Variants in DNAH17 observed in about 807,000 individuals in gnomAD.
The protein encoded by DNAH17 is axonemal beta dynein heavy chain 17.
A neutral mutation model predicts 485.6 loss-of-function variants in DNAH17; 376 were observed. That is an observed-to-expected ratio of 0.77 (90% CI 0.71 to 0.84). The LOEUF is 0.84. Among genes scored for constraint, DNAH17 ranks in the 40% least tolerant of loss-of-function variants. The probability of loss-of-function intolerance (pLI) is 0.00; values close to 1 mark genes in which losing one functional copy is unlikely to be tolerated. For missense variants in DNAH17, 6,370 were observed against 5,839.3 expected, an observed-to-expected ratio of 1.09 and a Z score of -2.96; for synonymous variants, 3,031 against 2,405.9, an observed-to-expected ratio of 1.26 and a Z score of -7.60.
At chr17:78,552,631 G>A (rs770834487) in intron 15 of DNAH17, 66 bp downstream of exon 15, 15 of 1,161,588 alleles carry the variant, frequency 1.3e-5, no homozygotes, top group Non-Finnish European at 1.9e-5. Flanking sequence ...TGGTGTTTGA[G>A]GACAGATGCT....
At chr17:78,542,738 G>A (rs1050607609) in intron 17 of DNAH17, among the ~76,000 whole-genome samples, 1 of 152,178 alleles carries the variant, frequency 6.6e-6, no homozygotes, top group African/African-American at 2.4e-5. Flanking sequence ...AGGACCAGCT[G>A]GCATCCTAGG....
chr17:78,489,829 G>A (rs542035693), intron 44 of DNAH17, among the ~76,000 whole-genome samples: 1 of 150,020 alleles, frequency 6.7e-6, no homozygotes, highest in African/African-American at 2.4e-5. Flanking sequence ...GTGGGCGGGA[G>A]GGTGAATGGA....
intron 80 of DNAH17, 194 bp from the exon 81 acceptor site, chr17:78,424,347 C>G: frequency 1.6e-6 from 1 of 624,012 alleles, no homozygotes; most frequent in African/African-American, 1.8e-5. Context: ...CTACCCCGTC[C>G]CGCTGGGCTC....
At chr17:78,505,594 A>G in intron 30 of DNAH17, 149 bp from the exon 31 acceptor site, 4 of 1,046,696 alleles carry the variant, frequency 3.8e-6, no homozygotes, top group African/African-American at 1.6e-5. Flanking sequence ...TGACTAAGTC[A>G]ACAAAAGGAA....
In DNAH17 at chr17:78,475,395, C is replaced by T; in HGVS notation, c.8394G>A (p.Leu2798=). 1 of 1,613,972 alleles carries T rather than the reference C, an allele frequency of 6.2e-7. No homozygotes were observed. Among genetic ancestry groups the T allele is most frequent in the Non-Finnish European group, 8.5e-7 (1 of 1,179,892 alleles). Residue 2798 remains leucine (L), a synonymous_variant, in exon 54 of 81, where the codon CTG becomes CTA. Transcript: ENST00000389840. ...RILESPRGNA[L]LVGVGGSGKQ... is the part of the protein sequence containing the mutation. ...TGCCACTGCCGCCCACCCCCACCAG[C>T]AGGGCATTCCCCCGGGGAGACTCCA... is the stretch of plus-strand genomic sequence containing the variant.
chr17:78,425,488 C>T lies in DNAH17; in HGVS notation c.12999G>A (p.Thr4333=), dbSNP rs572367991. 4.3e-5 allele frequency: 70 copies of T among 1,613,840 alleles called. No homozygotes were observed. The East Asian group carries it at 1.2e-3, about 28-fold the overall frequency. The part of the protein sequence containing the change: ...AGFFNPQSFL[T]AIMQSMARKN... Reference sequence around the variant, plus strand: ...TCCTGGCCATGGACTGCATGATGGCCGTGAGGAACGACTGGGGGTTGAAGA... The same window carrying T: ...TCCTGGCCATGGACTGCATGATGGCTGTGAGGAACGACTGGGGGTTGAAGA... Residue 4333 remains threonine, a synonymous_variant, in exon 80 of 81, where the codon ACG becomes ACA. Transcript: ENST00000389840.
chr17:78,516,925 G>A (rs538438975), intron 25 of DNAH17, among the ~76,000 whole-genome samples: 16 of 152,308 alleles, frequency 1.1e-4, no homozygotes, highest in Admixed American at 2.6e-4. Context: ...GACAGAGCAC[G>A]CTCTTGTATG....
chr17:78,532,940 C>T (rs1443598298), intron 19 of DNAH17: 5 of 558,264 alleles, frequency 9.0e-6, no homozygotes, highest in Non-Finnish European at 1.3e-5. Flanking sequence ...GGTCACCATA[C>T]TGATGCCAAA....
chr17:78,566,888 C>A, intron 10 of DNAH17, 111 bp downstream of exon 10: 1 of 1,382,782 alleles, frequency 7.2e-7, no homozygotes, highest in South Asian at 1.4e-5. Context: ...GTGTTGGGAT[C>A]ACCTGGCACC....
chr17:78,433,948 G>GGAA (rs1882052210), intron 75 of DNAH17, 81 bp downstream of exon 75: 1 of 1,036,188 alleles, frequency 9.7e-7, no homozygotes, highest in South Asian at 1.8e-5. Flanking sequence ...AAGGAGGGAG[G>GGAA]GAAGGAGGGA....
intron 39 of DNAH17, 58 bp from the exon 40 acceptor site, chr17:78,494,878 C>T: frequency 6.4e-7 from 1 of 1,572,648 alleles, no homozygotes; most frequent in Non-Finnish European, 8.7e-7. Flanking sequence ...GGCCAGCAGG[C>T]AGGTCTGGAA....
intron 11 of DNAH17, among the ~76,000 whole-genome samples, chr17:78,565,261 T>TTA (rs758096115): frequency 6.6e-6 from 1 of 152,222 alleles, no homozygotes; most frequent in Non-Finnish European, 1.5e-5. Context: ...TCATCTTGCT[T>TTA]TAGCAAGTAT....
intron 72 of DNAH17, 107 bp from the exon 73 acceptor site, chr17:78,439,324 G>C: frequency 7.5e-7 from 1 of 1,334,894 alleles, no homozygotes; most frequent in Non-Finnish European, 1.0e-6. Context: ...ATTTAGTTTC[G>C]GTGGTGAAAT....
chr17:78,551,786 A>T, intron 15 of DNAH17, 148 bp from the exon 16 acceptor site: 1 of 670,478 alleles, frequency 1.5e-6, no homozygotes, highest in Non-Finnish European at 2.6e-6. Context: ...ACATGGTGAA[A>T]CCCCATCTCT....
intron 44 of DNAH17, chr17:78,489,631 G>A (rs151021304): frequency 3.2e-4 from 48 of 152,322 alleles, no homozygotes; most frequent in African/African-American, 8.7e-4. Context: ...CGCGTCCTGG[G>A]TTCCCTTCTG....
At chr17:78,442,850 G>C (rs1336212269) in intron 71 of DNAH17, among the ~76,000 whole-genome samples, 1 of 152,232 alleles carries the variant, frequency 6.6e-6, no homozygotes, top group African/African-American at 2.4e-5. Flanking sequence ...ACCTGAGTGT[G>C]GAAGTGCTCC....
At chr17:78,484,192 G>A (rs1426001288) in intron 48 of DNAH17, among the ~76,000 whole-genome samples, 3 of 150,352 alleles carry the variant, frequency 2.0e-5, no homozygotes, top group Non-Finnish European at 4.4e-5. Context: ...TTGGTTTCTC[G>A]GTGCCGTTAG....
intron 48 of DNAH17, among the ~76,000 whole-genome samples, chr17:78,481,107 CTTT>C (rs34712569): frequency 0.043 from 5,548 of 129,326 alleles, 192 homozygotes; most frequent in African/African-American, 0.1. Context: ...CATCCCCCGG[CTTT>C]TTTTTTTTTT....
chr17:78,472,405 C>T (rs970524046), intron 54 of DNAH17, among the ~76,000 whole-genome samples: 3 of 152,002 alleles, frequency 2.0e-5, no homozygotes, highest in Non-Finnish European at 4.4e-5. Flanking sequence ...CTGAGAATAA[C>T]ATGAGGCCAA....
Sources: gnomAD v4.1 joint callset for allele counts (sites outside exome capture counted in the v4.1 genomes callset) on GRCh38, gnomAD v4.1.1 for gene constraint, MANE v1.5 for transcripts, NCBI Gene and HGNC (gene_info 2026-07-23, HGNC 2026-07-21) for gene names.